The following DCC variants were observed in gnomAD, a reference collection of about 807,000 sequenced individuals.
DCC encodes netrin receptor DCC.
A neutral mutation model predicts 172.5 loss-of-function variants in DCC; 58 were observed. The ratio of observed to expected loss-of-function variants is 0.34; its 90% CI spans 0.27 to 0.42. DCC has a LOEUF of 0.42. Among genes scored for constraint, DCC ranks in the 10% least tolerant of loss-of-function variants. The pLI is 1.00. For missense variants in DCC, 1,740 were observed against 1,791.0 expected, an observed-to-expected ratio of 0.97 and a Z score of 0.51; for synonymous variants, 709 against 644.5, an observed-to-expected ratio of 1.10 and a Z score of -1.52.
intron 9 of DCC, among the ~76,000 whole-genome samples, chr18:53,195,582 C>T (rs573211541): frequency 6.6e-6 from 1 of 152,116 alleles, no homozygotes; most frequent in Admixed American, 6.6e-5. Context: ...ATATCTGAAG[C>T]CTTCCACGAG....
intron 1 of DCC, among the ~76,000 whole-genome samples, chr18:52,608,913 C>T (rs1244416070): frequency 6.6e-6 from 1 of 152,084 alleles, no homozygotes; most frequent in Non-Finnish European, 1.5e-5. Flanking sequence ...CAAATTCTAC[C>T]ATCAGACAAT....
At chr18:52,761,769 T>C (rs62081911) in intron 2 of DCC, among the ~76,000 whole-genome samples, 15,078 of 151,662 alleles carry the variant, frequency 0.099, 958 homozygotes, top group Middle Eastern at 0.22. Context: ...AAAAACCTTG[T>C]TTGAAAAATT....
In DCC at chr18:52,731,134, G is replaced by A. The variant is rs552406016; in HGVS notation, c.92-20920G>A. On this transcript the variant is annotated intron_variant, in intron 1 of 28. Coordinates refer to ENST00000442544, the MANE Select transcript of DCC (RefSeq NM_005215.4). ...TGTGGTCCTGATAAGGCCAGGCAGC[G>A]TTTTTCACCTTCCTGATGCGAGTTA... 3.9e-5 allele frequency among the ~76,000 whole-genome samples: 6 copies of A among 152,270 alleles called. No homozygotes were observed. The South Asian group carries it at 1.2e-3, about 32-fold the overall frequency.
chr18:52,532,534 G>A (rs1212113131), intron 1 of DCC, among the ~76,000 whole-genome samples: 1 of 152,202 alleles, frequency 6.6e-6, no homozygotes, highest in Non-Finnish European at 1.5e-5. Flanking sequence ...TATTCTGGGA[G>A]CTGGATCTTC....
intron 11 of DCC, among the ~76,000 whole-genome samples, chr18:53,210,836 G>T (rs1015003788): frequency 1.5e-4 from 23 of 151,498 alleles, no homozygotes; most frequent in African/African-American, 5.6e-4. Flanking sequence ...TGCTTGTAAA[G>T]ATCTTTGTCC....
chr18:53,001,947 C>T (rs2143845651), intron 5 of DCC, among the ~76,000 whole-genome samples: 1 of 152,032 alleles, frequency 6.6e-6, no homozygotes, highest in East Asian at 1.9e-4. Flanking sequence ...CATTGCTAGC[C>T]TTTACCCCAT....
At chr18:52,961,538 C>A (rs377246306) in intron 5 of DCC, among the ~76,000 whole-genome samples, 2,049 of 152,236 alleles carry the variant, frequency 0.013, 61 homozygotes, top group African/African-American at 0.047. Flanking sequence ...CTGATCACTG[C>A]TGAAGGAAAG....
chr18:52,777,472 G>A (rs1403283477), intron 2 of DCC, among the ~76,000 whole-genome samples: 1 of 152,082 alleles, frequency 6.6e-6, no homozygotes, highest in African/African-American at 2.4e-5. Flanking sequence ...TCCCATCTGT[G>A]TGTCTCACTG....
At chr18:52,578,478 C>T (rs538179932) in intron 1 of DCC, among the ~76,000 whole-genome samples, 17 of 152,144 alleles carry the variant, frequency 1.1e-4, no homozygotes, top group African/African-American at 3.4e-4. Context: ...GTTTTTAATT[C>T]GAAGTTTTTG....
chr18:53,064,087 G>A (rs915550329), intron 6 of DCC, among the ~76,000 whole-genome samples: 1 of 152,114 alleles, frequency 6.6e-6, no homozygotes, highest in Non-Finnish European at 1.5e-5. Flanking sequence ...GAAGCTAAGA[G>A]GAATAACTTC....
At chr18:52,711,484 T>C (rs1014021781) in intron 1 of DCC, among the ~76,000 whole-genome samples, 7 of 152,210 alleles carry the variant, frequency 4.6e-5, no homozygotes, top group African/African-American at 7.2e-5. Context: ...TTTTGCATGA[T>C]AAATGAATTA....
At chr18:52,470,131 C>A (rs551732827) in intron 1 of DCC, among the ~76,000 whole-genome samples, 7 of 152,148 alleles carry the variant, frequency 4.6e-5, no homozygotes, top group African/African-American at 1.4e-4. Flanking sequence ...GTATAAAATG[C>A]CGGAAATAGA....
chr18:52,549,369 G>GTTGCTA (rs1173563413), intron 1 of DCC, among the ~76,000 whole-genome samples: 1 of 151,880 alleles, frequency 6.6e-6, no homozygotes, highest in African/African-American at 2.4e-5. Flanking sequence ...ATCACATGCA[G>GTTGCTA]TTGCTATTCT....
At chr18:53,141,405 G>A (rs576872057) in intron 7 of DCC, among the ~76,000 whole-genome samples, 12 of 152,128 alleles carry the variant, frequency 7.9e-5, no homozygotes, top group African/African-American at 2.4e-4. Context: ...TATCATAATC[G>A]TTAATAGTCA....
At chr18:52,871,100 C>T (rs2039311557) in intron 2 of DCC, among the ~76,000 whole-genome samples, 1 of 152,158 alleles carries the variant, frequency 6.6e-6, no homozygotes, top group African/African-American at 2.4e-5. Flanking sequence ...TTCAGATGAA[C>T]ACCTGCAAGA....
intron 27 of DCC, among the ~76,000 whole-genome samples, chr18:53,502,916 C>T (rs1020147948): frequency 1.2e-4 from 18 of 151,828 alleles, no homozygotes; most frequent in African/African-American, 4.4e-4. Flanking sequence ...CATAGTTAAA[C>T]GTGTGCCATG....
At chr18:52,878,270 C>T (rs1013926712) in intron 2 of DCC, among the ~76,000 whole-genome samples, 1 of 152,150 alleles carries the variant, frequency 6.6e-6, no homozygotes, top group Non-Finnish European at 1.5e-5. Flanking sequence ...TCTATAAAAC[C>T]TAACTTTCAA....
chr18:52,498,899 T>A (rs1015841830), intron 1 of DCC, among the ~76,000 whole-genome samples: 1 of 152,154 alleles, frequency 6.6e-6, no homozygotes, highest in African/African-American at 2.4e-5. Context: ...TTTACTTATG[T>A]AAGGACCTTA....
chr18:52,858,361 C>T (rs527588390), intron 2 of DCC, among the ~76,000 whole-genome samples: 1 of 152,110 alleles, frequency 6.6e-6, no homozygotes, highest in Non-Finnish European at 1.5e-5. Context: ...TAGAGTAAAT[C>T]GAGAGGAGAA....
Sources: gnomAD v4.1 joint callset for allele counts (sites outside exome capture counted in the v4.1 genomes callset) on GRCh38, gnomAD v4.1.1 for gene constraint, MANE v1.5 for transcripts, NCBI Gene and HGNC (gene_info 2026-07-23, HGNC 2026-07-21) for gene names.